ARHGAP22: variants seen among roughly 807,000 people sequenced by gnomAD.
ARHGAP22 encodes the protein rho GTPase-activating protein 22.
Under a neutral mutation model 59.1 loss-of-function variants are expected in ARHGAP22, and 48 were observed. The observed-to-expected ratio is 0.81, with a 90% CI of 0.64 to 1.03. ARHGAP22 has a LOEUF of 1.03. ARHGAP22 is among the 50% of genes least tolerant of loss of function. The pLI is 0.00. For missense variants in ARHGAP22, 1,015 were observed against 958.7 expected, an observed-to-expected ratio of 1.06 and a Z score of -0.78; for synonymous variants, 445 against 416.4, an observed-to-expected ratio of 1.07 and a Z score of -0.84.
At position 48,597,649 on chromosome 10, in the gene ARHGAP22, C is replaced by G. The variant is rs79682764; in HGVS notation, c.34+7114G>C. Among the ~76,000 whole-genome samples, 1,119 of 152,288 alleles carry G rather than the reference C, an allele frequency of 7.3e-3. 6 individuals are homozygous for G. Among genetic ancestry groups the G allele is most frequent in the Middle Eastern group, 0.031 (9 of 294 alleles). On this transcript the variant is annotated intron_variant, in intron 1 of 9. Coordinates refer to ENST00000249601, the MANE Select transcript of ARHGAP22 (RefSeq NM_021226.4). Reference sequence around the variant, plus strand: ...GTTTCTTGCTCCCGCAGGCTGTGCCCCTTGGAAGCCTCTCTCCTCTCTTCT... The same window carrying G: ...GTTTCTTGCTCCCGCAGGCTGTGCCGCTTGGAAGCCTCTCTCCTCTCTTCT...
intron 4 of ARHGAP22, 185 bp downstream of exon 4, chr10:48,479,451 G>A: frequency 1.9e-6 from 2 of 1,045,962 alleles, no homozygotes; most frequent in Non-Finnish European, 2.7e-6. Context: ...GAGGAAGTGA[G>A]TACACGGCAG....
chr10:48,523,260 G>C (rs2053975835), intron 3 of ARHGAP22, among the ~76,000 whole-genome samples: 1 of 152,222 alleles, frequency 6.6e-6, no homozygotes, highest in African/African-American at 2.4e-5. Flanking sequence ...AGCAGGCCAG[G>C]GTGGGGCCTG....
intron 3 of ARHGAP22, 40 bp downstream of exon 3, chr10:48,555,423 C>T (rs769953350): frequency 2.4e-5 from 39 of 1,594,738 alleles, no homozygotes; most frequent in Non-Finnish European, 3.2e-5. Context: ...ATGGCAACAC[C>T]CCCACCAGGG....
Position 48,509,898 on chromosome 10 carries a change from T to C in ARHGAP22, c.323-30134A>G, listed in dbSNP as rs1054588406. 5.9e-5 allele frequency among the ~76,000 whole-genome samples: 9 copies of C among 152,324 alleles called. No individual in the cohort carries two copies. In the East Asian group the frequency reaches 1.7e-3, roughly 29 times the overall value. On this transcript the variant is annotated intron_variant, in intron 3 of 9. Transcript: ENST00000249601. ...CTTTATTAGGAGAAACTCAAAGACC[T>C]GTAGTCCCACAGTCAAGAAGTACTA...
At chr10:48,575,995 A>G (rs1034508303) in intron 2 of ARHGAP22, among the ~76,000 whole-genome samples, 4 of 152,196 alleles carry the variant, frequency 2.6e-5, no homozygotes, top group Admixed American at 6.5e-5. Flanking sequence ...AAGTATAAGC[A>G]ACCCACAACC....
Position 48,627,813 on chromosome 10 carries a change from T to C in ARHGAP22, c.52+24421A>G, listed in dbSNP as rs545941269. ...GGGCCCGGCCTCTGGTGTGGCTGGC[T>C]GAGGTGTGTGGGCACTTCATTCAGG... On this transcript the variant is annotated intron_variant, in intron 1 of 9. Transcript: ENST00000435790. Among the ~76,000 whole-genome samples the C allele has an allele frequency of 3.3e-5, 5 of 152,324 alleles. No homozygotes were observed. The East Asian group carries it at 9.6e-4, about 29-fold the overall frequency.
intron 3 of ARHGAP22, among the ~76,000 whole-genome samples, chr10:48,499,778 G>A (rs929386618): frequency 2.3e-4 from 35 of 152,188 alleles, no homozygotes; most frequent in African/African-American, 8.4e-4. Context: ...TCAACTGGGT[G>A]CGAAATTAAT....
chr10:48,437,584 T>C, the ARHGAP22 span: 4 of 152,208 alleles, frequency 2.6e-5, no homozygotes, highest in Non-Finnish European at 5.9e-5. Context: ...CCCTCTAATA[T>C]ATACTGGCCA....
intron 3 of ARHGAP22, among the ~76,000 whole-genome samples, chr10:48,509,845 G>A (rs2052573565): frequency 6.6e-6 from 1 of 152,218 alleles, no homozygotes; most frequent in Non-Finnish European, 1.5e-5. Context: ...AGGAAGGAAG[G>A]ATGTTCTCAG....
chr10:48,555,559 G>A lies in ARHGAP22; in HGVS notation c.235-9C>T. ...TGTAGAGAAATAAATCCCTAAAAAG[G>A]AGGCAAACACAAACACAGGGAGCAT... On this transcript the variant is annotated splice_polypyrimidine_tract_variant and intron_variant, in intron 2 of 9. Coordinates refer to ENST00000249601, the MANE Select transcript of ARHGAP22 (RefSeq NM_021226.4). 6.2e-7 allele frequency: 1 copy of A among 1,613,204 alleles called. No homozygotes were observed. Among genetic ancestry groups the A allele is most frequent in the Non-Finnish European group, 8.5e-7 (1 of 1,179,152 alleles).
At chr10:48,597,423 G>A (rs1171456672) in intron 1 of ARHGAP22, among the ~76,000 whole-genome samples, 2 of 152,256 alleles carry the variant, frequency 1.3e-5, no homozygotes, top group South Asian at 4.1e-4. Context: ...TTAGCAGTGG[G>A]TGAGGAGAGG....
chr10:48,435,047 G>T, the ARHGAP22 span: 4 of 1,505,066 alleles, frequency 2.7e-6, no homozygotes, highest in South Asian at 5.1e-5. Flanking sequence ...GGCCATCGGG[G>T]GGTGGGAGGG....
At chr10:48,457,447 C>A (rs998235615) in intron 5 of ARHGAP22, among the ~76,000 whole-genome samples, 2 of 152,166 alleles carry the variant, frequency 1.3e-5, no homozygotes, top group African/African-American at 2.4e-5. Flanking sequence ...TCAAGACCCA[C>A]CCCCCTTAGA....
At chr10:48,456,035 C>G (rs974766778) in intron 5 of ARHGAP22, among the ~76,000 whole-genome samples, 8 of 152,312 alleles carry the variant, frequency 5.3e-5, no homozygotes, top group Admixed American at 4.6e-4. Context: ...TGGCATAGTC[C>G]TTCCCTGGGT....
In ARHGAP22 at chr10:48,446,127, A is replaced by C; in HGVS notation, c.*264T>G. On this transcript the variant is annotated 3_prime_UTR_variant, in exon 10 of 10. Coordinates refer to ENST00000249601, the MANE Select transcript of ARHGAP22 (RefSeq NM_021226.4). The stretch of plus-strand genomic sequence containing the variant: ...CTCCATTTCTGTGGCCATGAAGGAT[A>C]TTTCCTGGGTAAGGGCTAAGCGCTA... 2 of 482,700 alleles carry C rather than the reference A, an allele frequency of 4.1e-6. No homozygotes were observed. The highest frequency in any genetic ancestry group is 7.3e-6 in the Non-Finnish European group (2 of 274,806). 29.9% of individuals were successfully genotyped at this position (482,700 alleles called of 1,614,324 possible).
At chr10:48,573,949 T>C (rs2058551782) in intron 2 of ARHGAP22, among the ~76,000 whole-genome samples, 1 of 152,242 alleles carries the variant, frequency 6.6e-6, no homozygotes, top group African/African-American at 2.4e-5. Context: ...ACAGTGGAAA[T>C]TGATTGTGCC....
chr10:48,647,753 A>T (rs772584090), intron 1 of ARHGAP22, among the ~76,000 whole-genome samples: 1 of 152,250 alleles, frequency 6.6e-6, no homozygotes, highest in Non-Finnish European at 1.5e-5. Flanking sequence ...TCATAACAGC[A>T]TCATTCGTAA....
chr10:48,455,195 C>T, intron 5 of ARHGAP22, 61 bp from the exon 6 acceptor site: 17 of 1,502,088 alleles, frequency 1.1e-5, no homozygotes, highest in Non-Finnish European at 1.5e-5. Flanking sequence ...TCAGGGGTGA[C>T]TGGTACGCCC....
chr10:48,537,564 G>A (rs1488680232), intron 3 of ARHGAP22, among the ~76,000 whole-genome samples: 2 of 152,224 alleles, frequency 1.3e-5, no homozygotes, highest in African/African-American at 2.4e-5. Flanking sequence ...CTGTGTGCCA[G>A]GCACTGCTGT....
Sources: gnomAD v4.1 joint callset for allele counts (sites outside exome capture counted in the v4.1 genomes callset) on GRCh38, gnomAD v4.1.1 for gene constraint, MANE v1.5 for transcripts, NCBI Gene and HGNC (gene_info 2026-07-23, HGNC 2026-07-21) for gene names.